LRFN5: variants seen among roughly 807,000 people sequenced by gnomAD.
LRFN5 encodes the protein leucine rich repeat and fibronectin type III domain containing 5.
Under a neutral mutation model 45.6 loss-of-function variants are expected in LRFN5, and 24 were observed. That is an observed-to-expected ratio of 0.53 (90% CI 0.38 to 0.74). LRFN5 has a LOEUF of 0.74. Among genes scored for constraint, LRFN5 ranks in the 30% least tolerant of loss-of-function variants. LRFN5 has a pLI of 0.00. For synonymous variants in LRFN5, 340 were observed against 313.8 expected, an observed-to-expected ratio of 1.08 and a Z score of -0.88; for missense variants, 776 against 861.5, an observed-to-expected ratio of 0.90 and a Z score of 1.24.
chr14:41,883,699 C>T (rs1172449503), intron 2 of LRFN5, among the ~76,000 whole-genome samples: 2 of 152,098 alleles, frequency 1.3e-5, no homozygotes, highest in Admixed American at 6.6e-5. Context: ...GTTTACCTTA[C>T]CTTATTGTAA....
intron 1 of LRFN5, among the ~76,000 whole-genome samples, chr14:41,631,473 A>G (rs1888531685): frequency 2.0e-5 from 3 of 152,172 alleles, no homozygotes; most frequent in Non-Finnish European, 4.4e-5. Context: ...CCTATTATCC[A>G]GAGCTTACTT....
intron 1 of LRFN5, among the ~76,000 whole-genome samples, chr14:41,614,650 AG>A (rs1887872199): frequency 6.6e-6 from 1 of 152,058 alleles, no homozygotes; most frequent in South Asian, 2.1e-4. Flanking sequence ...AGTTAGAAAA[AG>A]GAACTATGGA....
rs931939110 is a variant in LRFN5 at position 41,904,227 on chromosome 14, A to G, written c.*52A>G. ...GAAAAAATTTGCCACTGATATTTTT[A>G]CTGGATAAAATTCAAAAATGTTTCA... is the stretch of plus-strand genomic sequence containing the variant. On this transcript the variant is annotated 3_prime_UTR_variant, in exon 6 of 6. Coordinates refer to ENST00000298119, the MANE Select transcript of LRFN5 (RefSeq NM_152447.5). 1 of 1,600,896 alleles carries G rather than the reference A, an allele frequency of 6.2e-7. No individual in the cohort carries two copies. The highest frequency in any genetic ancestry group is 8.5e-7 in the Non-Finnish European group (1 of 1,171,480).
chr14:41,827,431 C>T (rs1888335590), intron 2 of LRFN5, among the ~76,000 whole-genome samples: 1 of 151,794 alleles, frequency 6.6e-6, no homozygotes, highest in Non-Finnish European at 1.5e-5. Context: ...AAAGTTATTG[C>T]TTCAATTACT....
intron 2 of LRFN5, among the ~76,000 whole-genome samples, chr14:41,818,756 T>C (rs1249668455): frequency 6.6e-6 from 1 of 152,228 alleles, no homozygotes; most frequent in South Asian, 2.1e-4. Flanking sequence ...ATTTAAAAAA[T>C]AGATTTGTGG....
At chr14:41,710,672 A>G (rs546459711) in intron 1 of LRFN5, among the ~76,000 whole-genome samples, 1 of 152,226 alleles carries the variant, frequency 6.6e-6, no homozygotes, top group African/African-American at 2.4e-5. Flanking sequence ...CACAACATGC[A>G]TGTTTGTTAC....
intron 2 of LRFN5, among the ~76,000 whole-genome samples, chr14:41,846,595 T>C (rs1047720193): frequency 3.9e-5 from 6 of 152,194 alleles, no homozygotes; most frequent in African/African-American, 1.4e-4. Flanking sequence ...ATGCTAGTTA[T>C]ATAACTATGT....
At chr14:41,653,262 G>A (rs1316141256) in intron 1 of LRFN5, among the ~76,000 whole-genome samples, 10 of 152,076 alleles carry the variant, frequency 6.6e-5, no homozygotes. Flanking sequence ...AAGTGGTATT[G>A]CCTAGGTCAT....
chr14:41,755,942 C>T (rs931922475), intron 1 of LRFN5, among the ~76,000 whole-genome samples: 2 of 152,142 alleles, frequency 1.3e-5, no homozygotes, highest in Non-Finnish European at 2.9e-5. Flanking sequence ...TCTTCAGGAG[C>T]CCTTTTAGGG....
chr14:41,797,020 T>C (rs559485006), intron 2 of LRFN5, among the ~76,000 whole-genome samples: 119 of 152,010 alleles, frequency 7.8e-4, no homozygotes, highest in Non-Finnish European at 1.3e-3. Flanking sequence ...TCGTGTACTT[T>C]CTGCTCACAT....
intron 1 of LRFN5, among the ~76,000 whole-genome samples, chr14:41,678,975 A>G (rs1419700310): frequency 1.3e-5 from 2 of 152,122 alleles, no homozygotes; most frequent in Non-Finnish European, 2.9e-5. Context: ...GAGACTTTGC[A>G]TTGGAACTCA....
chr14:41,672,960 A>G (rs1267757491), intron 1 of LRFN5, among the ~76,000 whole-genome samples: 1 of 100,960 alleles, frequency 9.9e-6, no homozygotes, highest in African/African-American at 3.8e-5. Flanking sequence ...AATATATCCT[A>G]TTTTTCTACA....
chr14:41,609,497 T>C (rs1286229412), intron 1 of LRFN5, among the ~76,000 whole-genome samples: 6 of 152,150 alleles, frequency 3.9e-5, no homozygotes, highest in Non-Finnish European at 7.3e-5. Context: ...ACAAATTTAG[T>C]TAACTTCCAA....
At chr14:41,841,463 G>A (rs1289299154) in intron 2 of LRFN5, among the ~76,000 whole-genome samples, 1 of 151,884 alleles carries the variant, frequency 6.6e-6, no homozygotes, top group African/African-American at 2.4e-5. Context: ...GCTCACAGAT[G>A]ACATTAGATG....
chr14:41,626,995 G>A (rs918538183), intron 1 of LRFN5, among the ~76,000 whole-genome samples: 1 of 152,006 alleles, frequency 6.6e-6, no homozygotes, highest in Non-Finnish European at 1.5e-5. Context: ...CATATTCCTA[G>A]AACAGAAGAA....
chr14:41,773,221 G>A (rs994221936), intron 2 of LRFN5, among the ~76,000 whole-genome samples: 3 of 152,058 alleles, frequency 2.0e-5, no homozygotes, highest in African/African-American at 7.2e-5. Context: ...TTCATATAAT[G>A]TCACCTCCCA....
At chr14:41,901,816 A>G (rs1007141357) in intron 5 of LRFN5, among the ~76,000 whole-genome samples, 1 of 151,978 alleles carries the variant, frequency 6.6e-6, no homozygotes, top group South Asian at 2.1e-4. Context: ...GATCAATGTA[A>G]AATATTTGCT....
intron 2 of LRFN5, among the ~76,000 whole-genome samples, chr14:41,873,481 TC>T (rs1229117331): frequency 1.3e-5 from 2 of 151,678 alleles, no homozygotes; most frequent in African/African-American, 4.8e-5. Context: ...TGATATAAAA[TC>T]TTCCATATGG....
intron 2 of LRFN5, among the ~76,000 whole-genome samples, chr14:41,834,609 T>C (rs1053418493): frequency 1.3e-5 from 2 of 152,212 alleles, no homozygotes; most frequent in African/African-American, 4.8e-5. Flanking sequence ...TCATGTTAAA[T>C]ATTATAAAGG....
Sources: gnomAD v4.1 joint callset for allele counts (sites outside exome capture counted in the v4.1 genomes callset) on GRCh38, gnomAD v4.1.1 for gene constraint, MANE v1.5 for transcripts, NCBI Gene and HGNC (gene_info 2026-07-23, HGNC 2026-07-21) for gene names.